The following PELP1 variants were observed in gnomAD, a reference collection of about 807,000 sequenced individuals.
PELP1 encodes the protein proline-, glutamic acid- and leucine-rich protein 1.
PELP1 carries 32 observed loss-of-function variants against 95.5 expected under a neutral mutation model. The observed-to-expected ratio is 0.34, with a 90% confidence interval of 0.25 to 0.45. PELP1 has a LOEUF of 0.45. Ranked by LOEUF, PELP1 falls within the 20% of genes least tolerant of loss-of-function variation. PELP1 has a pLI of 1.00. For missense variants in PELP1, 1,358 were observed against 1,444.8 expected (o/e 0.94, Z 0.97); for synonymous variants, 668 against 600.1 (o/e 1.11, Z -1.65).
Position 4,673,113 on chromosome 17 carries a change from G to A in PELP1, c.1878C>T (p.Thr626=), listed in dbSNP as rs1459902673. The A allele has an allele frequency of 6.6e-7, 1 of 1,522,914 alleles. No individual in the cohort carries two copies. The highest frequency in any genetic ancestry group is 1.3e-5 in the South Asian group (1 of 75,314). 94.3% of individuals were successfully genotyped at this position (1,522,914 alleles called of 1,614,324 possible). Residue 626 remains threonine, a synonymous_variant, in exon 16 of 17, where the codon ACC becomes ACT. Coordinates refer to ENST00000572293, the MANE Select transcript of PELP1 (RefSeq NM_014389.3). This position sits in a 1 kb window ranked among gnomAD's most constrained non-coding sequence, Gnocchi z 5.7. ...VSSFCSEALV[T]CAALTHPRVP... ...CCCGGGGGTGGGTCAGAGCAGCACAGGTCACCAGTGCTTCTGAGCAGAAAG... is the reference window on the plus strand; with the variant it reads ...CCCGGGGGTGGGTCAGAGCAGCACAAGTCACCAGTGCTTCTGAGCAGAAAG...
At chr17:4,688,739 G>C (rs1040792177) in intron 3 of PELP1, among the ~76,000 whole-genome samples, 2 of 152,178 alleles carry the variant, frequency 1.3e-5, no homozygotes, top group African/African-American at 4.8e-5. Context: ...TCATGGATAG[G>C]TACAATCAAT....
intron 3 of PELP1, among the ~76,000 whole-genome samples, chr17:4,685,801 A>AAAAAAGAC (rs1244052338): frequency 6.7e-6 from 1 of 148,972 alleles, no homozygotes; most frequent in Non-Finnish European, 1.5e-5. Flanking sequence ...TTAAAAAAAA[A>AAAAAAGAC]AGAACAAAAA....
chr17:4,677,343 A>C (rs1003052822), intron 5 of PELP1, among the ~76,000 whole-genome samples: 1 of 152,196 alleles, frequency 6.6e-6, no homozygotes, highest in African/African-American at 2.4e-5. Context: ...GGAGTGTTTA[A>C]CCTGAGAACC....
chr17:4,694,373 C>T (rs573679029), intron 1 of PELP1, among the ~76,000 whole-genome samples: 45 of 151,830 alleles, frequency 3.0e-4, no homozygotes, highest in Admixed American at 1.1e-3. Flanking sequence ...GAACTGTGGC[C>T]GGGCGCAGTG....
At chr17:4,683,015 G>C in intron 3 of PELP1, 63 bp from the exon 4 acceptor site, 3 of 1,400,460 alleles carry the variant, frequency 2.1e-6, no homozygotes, top group Non-Finnish European at 2.8e-6. Context: ...AAGAGCAGCA[G>C]GAGAAAATAC....
chr17:4,682,827 G>A lies in PELP1; in HGVS notation c.546C>T (p.Thr182=). The A allele has an allele frequency of 6.3e-7, 1 of 1,594,028 alleles. No homozygotes were observed. Among genetic ancestry groups the A allele is most frequent in the South Asian group, 1.2e-5 (1 of 86,954 alleles). ...ISMNHLPGLL[T]SLLGLRPECE... is the part of the protein sequence containing the mutation. ...CCTCTGGCCTGAGGCCCAGCAGGGA[G>A]GTGAGAAGGCCAGGGAGGTGGTTCA... Residue 182 remains threonine (T), a synonymous_variant, in exon 4 of 17, where the codon ACC becomes ACT. Transcript: ENST00000572293.
chr17:4,703,340 G>A (rs1309763360), intron 1 of PELP1, among the ~76,000 whole-genome samples: 1 of 151,976 alleles, frequency 6.6e-6, no homozygotes, highest in Non-Finnish European at 1.5e-5. Flanking sequence ...CAGCTTAAAC[G>A]CCGGTTTCTT....
chr17:4,671,385 C>A lies in PELP1; in HGVS notation c.*54G>T. 1.0e-6 allele frequency: 1 copy of A among 987,680 alleles called. No homozygotes were observed. The highest frequency in any genetic ancestry group is 1.3e-5 in the South Asian group (1 of 77,442). The allele number at this position is 987,680 out of a possible 1,614,324, so 61.2% of individuals were successfully genotyped here. On this transcript the variant is annotated 3_prime_UTR_variant, in exon 17 of 17. Coordinates refer to ENST00000572293, the MANE Select transcript of PELP1 (RefSeq NM_014389.3). ...TGTGGCAAAAGGCAGAAGCAGCAGT[C>A]GCTATCTAAGGACATAACTTTATTG...
At position 4,683,370 on chromosome 17, in the gene PELP1, G is replaced by A. The variant is rs34223569; in HGVS notation, c.421-418C>T. On this transcript the variant is annotated intron_variant, in intron 3 of 16. Coordinates refer to ENST00000572293, the MANE Select transcript of PELP1 (RefSeq NM_014389.3). The stretch of plus-strand genomic sequence containing the variant: ...CGAGTAGCTGAGACTACAAGCGCCC[G>A]CCACCACGCCTGACTAATTTTTTGT... 2.6e-3 allele frequency among the ~76,000 whole-genome samples: 401 copies of A among 151,354 alleles called. 3 individuals carry two copies. The highest frequency in any genetic ancestry group is 4.1e-3 in the East Asian group (21 of 5,142).
chr17:4,683,527 T>TTTTC (rs1403903716), intron 3 of PELP1, among the ~76,000 whole-genome samples: 1 of 96,026 alleles, frequency 1.0e-5, no homozygotes, highest in Non-Finnish European at 2.1e-5. Flanking sequence ...CTGAGTTTTC[T>TTTTC]TTTCTTTTTT....
At chr17:4,683,427 A>G (rs112190659) in intron 3 of PELP1, among the ~76,000 whole-genome samples, 8,513 of 151,060 alleles carry the variant, frequency 0.056, 753 homozygotes, top group African/African-American at 0.19. Flanking sequence ...TCACTATGTT[A>G]GCCAGGATGG....
At chr17:4,697,710 G>C (rs532874996) in intron 1 of PELP1, among the ~76,000 whole-genome samples, 1 of 152,226 alleles carries the variant, frequency 6.6e-6, no homozygotes, top group East Asian at 1.9e-4. Context: ...ATTTCACCCA[G>C]CAAAGGGTTG....
In PELP1 at chr17:4,676,344, C is replaced by T. The variant is rs374788132; in HGVS notation, c.853+13G>A. 1.2e-4 allele frequency: 198 copies of T among 1,612,164 alleles called. No homozygotes were observed. In the African/African-American group the frequency reaches 2.1e-3, roughly 17 times the overall value. ...TCACTATTGTTCCACTAACTAGCAGCCCTGGTCCCTACCAGTCTCTGCTCC... is the reference window on the plus strand; with the variant it reads ...TCACTATTGTTCCACTAACTAGCAGTCCTGGTCCCTACCAGTCTCTGCTCC... On this transcript the variant is annotated intron_variant, in intron 7 of 16. Coordinates refer to ENST00000572293, the MANE Select transcript of PELP1 (RefSeq NM_014389.3).
chr17:4,685,402 T>C (rs1912870293), intron 3 of PELP1, among the ~76,000 whole-genome samples: 1 of 152,102 alleles, frequency 6.6e-6, no homozygotes, highest in Admixed American at 6.6e-5. Context: ...TTAAGTGTGG[T>C]GTGCTTTAAA....
At position 4,672,463 on chromosome 17, in the gene PELP1, G is replaced by T. The variant is rs557357750; in HGVS notation, c.2528C>A (p.Pro843Gln). 6.4e-7 allele frequency: 1 copy of T among 1,567,374 alleles called. No homozygotes were observed. The highest frequency in any genetic ancestry group is 8.6e-7 in the Non-Finnish European group (1 of 1,157,220). The change falls in exon 16 of 17, where the codon CCA becomes CAA. Residue 843 changes from proline to glutamine, a missense_variant. Transcript: ENST00000572293. The stretch of plus-strand genomic sequence containing the variant: ...ACCAGGAACAGGCGGCGGCGGAGGT[G>T]GGGGTGGCGGGAGAGGCCCTGGGGC... ...PAAPGPLPPPPPPPPPVPGPV... is the reference protein window; with the variant it reads ...PAAPGPLPPPQPPPPPVPGPV...
chr17:4,695,298 G>A (rs7222305), intron 1 of PELP1, among the ~76,000 whole-genome samples: 24,517 of 150,698 alleles, frequency 0.16, 2,585 homozygotes, highest in Non-Finnish European at 0.25. Flanking sequence ...CTCCAGCCTC[G>A]GCAACAGAGT....
At chr17:4,690,353 C>T (rs1164373657) in intron 3 of PELP1, among the ~76,000 whole-genome samples, 3 of 152,070 alleles carry the variant, frequency 2.0e-5, no homozygotes, top group Non-Finnish European at 4.4e-5. Context: ...GGTGCACCAA[C>T]ATCTCAGAAA....
chr17:4,673,201 A>T lies in PELP1; in HGVS notation c.1845+49T>A, dbSNP rs946724717. On this transcript the variant is annotated intron_variant, in intron 15 of 16. Transcript: ENST00000572293. This position sits in a 1 kb window ranked among gnomAD's most constrained non-coding sequence, Gnocchi z 5.7. ...ACCAGAAATACTGGGAGTCTCTTGG[A>T]AACAAGAGACTCCAGGAACCAAAGA... The T allele has an allele frequency of 1.3e-6, 2 of 1,532,526 alleles. No individual in the cohort carries two copies. Among genetic ancestry groups the T allele is most frequent in the Non-Finnish European group, 1.8e-6 (2 of 1,135,420 alleles). 94.9% of individuals were successfully genotyped at this position (1,532,526 alleles called of 1,614,324 possible).
In PELP1 at chr17:4,675,842, G is replaced by C. The variant is rs1912442962; in HGVS notation, c.1023C>G (p.Ile341Met). 2 of 1,591,628 alleles carry C rather than the reference G, an allele frequency of 1.3e-6. No homozygotes were observed. The highest frequency in any genetic ancestry group is 8.6e-7 in the Non-Finnish European group (1 of 1,169,128). Residue 341 changes from isoleucine to methionine, a missense_variant, in exon 9 of 17, where the codon ATC (isoleucine) becomes ATG (methionine). Physicochemically the swap from Ile to Met is conservative, Grantham distance 10. Around this residue, in one of 7 missense-constraint regions of PELP1, gnomAD observed 538 missense variants for 628.1 expected, o/e 0.86. Transcript: ENST00000572293. This position sits in a 1 kb window ranked among gnomAD's most constrained non-coding sequence, Gnocchi z 4.3. ...TGAGGGTCCGGCAGATGAAATCCAG[G>C]ATTTCCTGCACAGGGACGGACACGG... is the stretch of plus-strand genomic sequence containing the variant. ...GAPVSVPVQEILDFICRTLSV... is the reference protein window; with the variant it reads ...GAPVSVPVQEMLDFICRTLSV...
Sources: allele counts gnomAD v4.1 joint callset (sites outside exome capture counted in the v4.1 genomes callset), GRCh38; gene constraint gnomAD v4.1.1; regional missense constraint gnomAD v4.1.1; non-coding constraint Gnocchi (gnomAD v3.1); transcripts MANE v1.5; gene names NCBI Gene and HGNC (gene_info 2026-07-23, HGNC 2026-07-21).